The following FBXO31 variants were observed in gnomAD, a reference collection of about 807,000 sequenced individuals.
The protein encoded by FBXO31 is F-box protein 31.
A neutral mutation model predicts 54.4 loss-of-function variants in FBXO31; 24 were observed. The ratio of observed to expected loss-of-function variants is 0.44; its 90% CI spans 0.32 to 0.62. The LOEUF is 0.62. Ranked by LOEUF, FBXO31 falls within the 20% of genes least tolerant of loss-of-function variation. The probability of loss-of-function intolerance (pLI) is 0.05; values close to 1 mark genes in which losing one functional copy is unlikely to be tolerated. For missense variants in FBXO31, 665 were observed against 787.1 expected (o/e 0.84, Z 1.86); for synonymous variants, 388 against 335.6 (o/e 1.16, Z -1.71).
intron 1 of FBXO31, among the ~76,000 whole-genome samples, chr16:87,380,544 A>G (rs1391280888): frequency 6.6e-6 from 1 of 151,972 alleles, no homozygotes; most frequent in Non-Finnish European, 1.5e-5. Flanking sequence ...ACGCACCACC[A>G]TGACTGGCTA....
At chr16:87,369,817 C>G (rs555227102) in intron 1 of FBXO31, among the ~76,000 whole-genome samples, 3 of 152,160 alleles carry the variant, frequency 2.0e-5, no homozygotes, top group Non-Finnish European at 4.4e-5. Flanking sequence ...CACTTTCTGT[C>G]AGCCAGGCGA....
upstream of FBXO31, chr16:87,384,240 G>T (rs1386656007): frequency 6.6e-6 from 1 of 152,292 alleles, no homozygotes; most frequent in Non-Finnish European, 1.5e-5. Flanking sequence ...TACAGAGGCA[G>T]CAGCCAGAAC....
chr16:87,356,228 C>CAA (rs562439286), intron 2 of FBXO31, among the ~76,000 whole-genome samples: 5 of 82,676 alleles, frequency 6.0e-5, no homozygotes, highest in African/African-American at 9.0e-5. Context: ...GACTCCATCT[C>CAA]AAAAAAAAAA....
chr16:87,389,399 G>A (rs1907438514), intron 1 of FBXO31, among the ~76,000 whole-genome samples: 1 of 152,158 alleles, frequency 6.6e-6, no homozygotes, highest in Non-Finnish European at 1.5e-5. Flanking sequence ...AACTGTCGAT[G>A]CTACTTCCTC....
chr16:87,335,551 GTAGGGC>G lies in FBXO31; in HGVS notation c.843-100_843-95del. The G allele has an allele frequency of 6.8e-6, 3 of 443,994 alleles. No individual in the cohort carries two copies. The highest frequency in any genetic ancestry group is 4.3e-6 in the Non-Finnish European group (1 of 232,052). 27.5% of individuals were successfully genotyped at this position (443,994 alleles called of 1,614,324 possible). A position where few individuals can be genotyped will look rare whatever the true frequency, so the allele number is the denominator to read the frequency against. ...CCAGGGATGAGCTTTGCAGGGCGGG[GTAGGGC>G]GGGCAGCTCAGCTCAACCAGGGCCA... On this transcript the variant is annotated intron_variant, in intron 6 of 8. Coordinates refer to ENST00000311635, the MANE Select transcript of FBXO31 (RefSeq NM_024735.5). The surrounding 1 kb of genome is among the most constrained non-coding windows in gnomAD (Gnocchi z 5.7).
At chr16:87,361,196 T>A (rs1442438879) in intron 1 of FBXO31, among the ~76,000 whole-genome samples, 1 of 152,244 alleles carries the variant, frequency 6.6e-6, no homozygotes, top group African/African-American at 2.4e-5. Context: ...TGCCAAGCCA[T>A]GCTGGGCATC....
chr16:87,384,940 G>T (rs943767638), upstream of FBXO31, among the ~76,000 whole-genome samples: 1 of 144,146 alleles, frequency 6.9e-6, no homozygotes, highest in Admixed American at 6.9e-5. Context: ...TTTGGGAGGC[G>T]GAGAAGGGTG....
At position 87,383,582 on chromosome 16, in the gene FBXO31, A is replaced by T. The variant is rs1240694389; in HGVS notation, c.163T>A (p.Cys55Ser). 1 of 1,493,952 alleles carries T rather than the reference A, an allele frequency of 6.7e-7. No homozygotes were observed. The highest frequency in any genetic ancestry group is 8.9e-7 in the Non-Finnish European group (1 of 1,127,064). The allele number at this position is 1,493,952 out of a possible 1,614,324, so 92.5% of individuals were successfully genotyped here. A position where few individuals can be genotyped will look rare whatever the true frequency, so the allele number is the denominator to read the frequency against. The change falls in exon 1 of 9, where the codon TGC (cysteine) becomes AGC (serine). Residue 55 changes from cysteine (C) to serine (S), a missense_variant. Around this residue, in one of 4 missense-constraint regions of FBXO31, gnomAD observed 195 missense variants for 174.8 expected, o/e 1.12. Transcript: ENST00000311635. This position sits in a 1 kb window ranked among gnomAD's most constrained non-coding sequence, Gnocchi z 4.9. ...GGGGGCGGCGGCGAGGGGCCCGCGC[A>T]CAAGCCGCCCCCGACCCCGGCGCTA... The part of the protein sequence containing the change: ...EASAGVGGGL[C>S]AGPSPPPPRC...
At chr16:87,370,621 G>C (rs577988334) in intron 1 of FBXO31, among the ~76,000 whole-genome samples, 141 of 152,272 alleles carry the variant, frequency 9.3e-4, no homozygotes, top group Non-Finnish European at 1.6e-3. Context: ...TGGGCATGCA[G>C]GCAGGGAACC....
In FBXO31 at chr16:87,358,567, C is replaced by G. The variant is rs939221836; in HGVS notation, c.412+1728G>C. On this transcript the variant is annotated intron_variant, in intron 2 of 8. Coordinates refer to ENST00000311635, the MANE Select transcript of FBXO31 (RefSeq NM_024735.5). The surrounding 1 kb of genome is among the most constrained non-coding windows in gnomAD (Gnocchi z 4.0). ...CAGGACTGTGCAAACAGCGTGAATA[C>G]GACCCAATGCCTGCCCCTCACCAGT... 1.3e-5 allele frequency: 2 copies of G among 152,680 alleles called. No homozygotes were observed. The highest frequency in any genetic ancestry group is 2.4e-5 in the African/African-American group (1 of 41,460). 9.5% of individuals were successfully genotyped at this position (152,680 alleles called of 1,614,324 possible). A position where few individuals can be genotyped will look rare whatever the true frequency, so the allele number is the denominator to read the frequency against.
Position 87,383,288 on chromosome 16 carries a change from C to T in FBXO31, c.340+117G>A. 1.0e-6 allele frequency: 1 copy of T among 991,536 alleles called. No individual in the cohort carries two copies. The highest frequency in any genetic ancestry group is 1.4e-6 in the Non-Finnish European group (1 of 712,838). The allele number at this position is 991,536 out of a possible 1,614,324, so 61.4% of individuals were successfully genotyped here. On this transcript the variant is annotated intron_variant, in intron 1 of 8. Transcript: ENST00000311635. The surrounding 1 kb of genome is among the most constrained non-coding windows in gnomAD (Gnocchi z 4.9). ...ACCCAAAACACCACATCGCCGGGCC[C>T]CGCGCCCAACTGGTGGCCCCCGGCC...
chr16:87,361,023 C>G (rs1413298525), intron 1 of FBXO31, among the ~76,000 whole-genome samples: 1 of 152,196 alleles, frequency 6.6e-6, no homozygotes, highest in Non-Finnish European at 1.5e-5. Context: ...TCACCAACAC[C>G]CAGCACGTCC....
chr16:87,347,653 C>A (rs1165725794), intron 2 of FBXO31, among the ~76,000 whole-genome samples: 1 of 147,848 alleles, frequency 6.8e-6, no homozygotes, highest in Admixed American at 6.7e-5. Flanking sequence ...GCACTCCAGC[C>A]CGGGCGACAG....
chr16:87,370,202 G>A (rs186204750), intron 1 of FBXO31, among the ~76,000 whole-genome samples: 1 of 152,176 alleles, frequency 6.6e-6, no homozygotes, highest in Non-Finnish European at 1.5e-5. Context: ...TCTGCTTCGT[G>A]AGCACCCCCT....
At chr16:87,384,597 G>T (rs1907260750), upstream of FBXO31, among the ~76,000 whole-genome samples, 1 of 152,216 alleles carries the variant, frequency 6.6e-6, no homozygotes, top group Non-Finnish European at 1.5e-5. Context: ...TGACCGCGAA[G>T]GCGTCCTCTC....
intron 8 of FBXO31, among the ~76,000 whole-genome samples, chr16:87,333,115 C>A (rs1377367462): frequency 1.3e-5 from 2 of 152,262 alleles, no homozygotes; most frequent in African/African-American, 4.8e-5. Context: ...GGGCCTTGTT[C>A]ATCTATGAGG....
Position 87,331,248 on chromosome 16 carries a change from C to T in FBXO31, c.*40G>A. The T allele has an allele frequency of 1.9e-6, 3 of 1,595,606 alleles. No homozygotes were observed. Among genetic ancestry groups the T allele is most frequent in the Non-Finnish European group, 2.6e-6 (3 of 1,164,588 alleles). ...CTATTCACAGGTCAGAGTTCAGAGCCCCAGAGCCACCCGGGATGTGGCGGC... is the reference window on the plus strand; with the variant it reads ...CTATTCACAGGTCAGAGTTCAGAGCTCCAGAGCCACCCGGGATGTGGCGGC... On this transcript the variant is annotated 3_prime_UTR_variant, in exon 9 of 9. Coordinates refer to ENST00000311635, the MANE Select transcript of FBXO31 (RefSeq NM_024735.5).
chr16:87,361,904 G>C (rs570988083), intron 1 of FBXO31, among the ~76,000 whole-genome samples: 1 of 152,378 alleles, frequency 6.6e-6, no homozygotes, highest in African/African-American at 2.4e-5. Flanking sequence ...GCTCCTAGAA[G>C]GCCTGTGTCT....
chr16:87,364,751 G>A (rs1050189504), intron 1 of FBXO31, among the ~76,000 whole-genome samples: 6 of 151,808 alleles, frequency 4.0e-5, no homozygotes, highest in Non-Finnish European at 7.4e-5. Flanking sequence ...ATTTTATCTG[G>A]TGGCTCATGC....
Sources: gnomAD v4.1 joint callset for allele counts (sites outside exome capture counted in the v4.1 genomes callset) on GRCh38, gnomAD v4.1.1 for gene constraint, gnomAD v4.1.1 regional missense constraint, Gnocchi (gnomAD v3.1) non-coding constraint, MANE v1.5 for transcripts, NCBI Gene and HGNC (gene_info 2026-07-23, HGNC 2026-07-21) for gene names.